The following ATP9B variants were observed in gnomAD, a reference collection of about 807,000 sequenced individuals.
ATP9B encodes the protein ATPase phospholipid transporting 9B, also known as probable phospholipid-transporting ATPase IIB.
In ATP9B, 110 loss-of-function variants were observed where a neutral mutation model predicts 146.1. The observed-to-expected ratio is 0.75, with a 90% CI of 0.65 to 0.88. ATP9B has a LOEUF of 0.88. Among genes scored for constraint, ATP9B ranks in the 40% least tolerant of loss-of-function variants. ATP9B has a pLI of 0.00. For missense variants in ATP9B, 1,499 were observed against 1,496.4 expected (o/e 1.00, Z -0.03); for synonymous variants, 604 against 569.7 (o/e 1.06, Z -0.86).
At chr18:79,359,310 T>A (rs764971639) in intron 25 of ATP9B, 44 bp from the exon 26 acceptor site, 2 of 1,433,980 alleles carry the variant, frequency 1.4e-6, no homozygotes, top group African/African-American at 1.4e-5. Context: ...AGCTGTGTGG[T>A]AGAAGTTTCT....
Position 79,187,739 on chromosome 18 carries a change from C to T in ATP9B, c.874-5444C>T, listed in dbSNP as rs1318733078. ...TCCCTTTAGCATTGCTGTTATAATT[C>T]CCTGTTTCATTAGCATCAGTTGTTT... On this transcript the variant is annotated intron_variant, in intron 8 of 29. Coordinates refer to ENST00000426216, the MANE Select transcript of ATP9B (RefSeq NM_198531.5). 3.3e-5 allele frequency among the ~76,000 whole-genome samples: 5 copies of T among 152,190 alleles called. No homozygotes were observed. In the East Asian group the frequency reaches 9.6e-4, roughly 29 times the overall value.
chr18:79,247,772 C>CT (rs554582162), intron 11 of ATP9B, among the ~76,000 whole-genome samples: 2 of 152,012 alleles, frequency 1.3e-5, no homozygotes, highest in Non-Finnish European at 2.9e-5. Flanking sequence ...AAATATAGTA[C>CT]TTTTTTATGT....
intron 13 of ATP9B, among the ~76,000 whole-genome samples, chr18:79,282,520 C>T (rs1398027639): frequency 3.3e-5 from 5 of 152,178 alleles, no homozygotes; most frequent in Non-Finnish European, 5.9e-5. Context: ...TTAAAAGTTG[C>T]TGAAGGCTCA....
At chr18:79,111,482 A>C (rs2076000520) in intron 3 of ATP9B, among the ~76,000 whole-genome samples, 1 of 151,472 alleles carries the variant, frequency 6.6e-6, no homozygotes, top group Non-Finnish European at 1.5e-5. Context: ...TAATGGCTTC[A>C]TAATTAAAAG....
intron 8 of ATP9B, among the ~76,000 whole-genome samples, chr18:79,188,395 C>T (rs929540772): frequency 6.6e-6 from 1 of 152,160 alleles, no homozygotes; most frequent in African/African-American, 2.4e-5. Context: ...TTTAGCTCGG[C>T]CCTCGGTGCT....
chr18:79,270,559 A>G (rs776854071), intron 12 of ATP9B, among the ~76,000 whole-genome samples: 6 of 152,022 alleles, frequency 3.9e-5, no homozygotes, highest in Non-Finnish European at 8.8e-5. Context: ...TCTCCTTTGT[A>G]CTTCCTAGTA....
At position 79,307,242 on chromosome 18, in the gene ATP9B, A is replaced by G. The variant is rs751032695; in HGVS notation, c.1773+8A>G. ...GCTTCCAGCCCGGATGAGGTCAGTCAAAGCACAAAACCGTGGGAGCTTGTC... is the reference window on the plus strand; with the variant it reads ...GCTTCCAGCCCGGATGAGGTCAGTCGAAGCACAAAACCGTGGGAGCTTGTC... On this transcript the variant is annotated splice_region_variant and intron_variant, in intron 15 of 29. Coordinates refer to ENST00000426216, the MANE Select transcript of ATP9B (RefSeq NM_198531.5). The G allele has an allele frequency of 1.2e-6, 2 of 1,614,082 alleles. No homozygotes were observed. Among genetic ancestry groups the G allele is most frequent in the South Asian group, 2.2e-5 (2 of 91,070 alleles).
intron 7 of ATP9B, among the ~76,000 whole-genome samples, chr18:79,171,546 C>T (rs1275370181): frequency 3.3e-5 from 5 of 152,074 alleles, no homozygotes; most frequent in African/African-American, 9.7e-5. Context: ...AGGGAGACCC[C>T]GTGTGTCCCT....
At chr18:79,291,931 G>A (rs1020762171) in intron 13 of ATP9B, among the ~76,000 whole-genome samples, 30 of 152,290 alleles carry the variant, frequency 2.0e-4, no homozygotes, top group African/African-American at 7.2e-4. Context: ...GCAGCCCCTG[G>A]TTACTTTCTG....
At chr18:79,097,437 T>C (rs902800271) in intron 2 of ATP9B, among the ~76,000 whole-genome samples, 2 of 151,748 alleles carry the variant, frequency 1.3e-5, no homozygotes, top group African/African-American at 2.4e-5. Flanking sequence ...TTCTTCAGTG[T>C]GTATTTTCTA....
chr18:79,074,086 G>C (rs1431429818), intron 1 of ATP9B, among the ~76,000 whole-genome samples: 1 of 152,186 alleles, frequency 6.6e-6, no homozygotes, highest in African/African-American at 2.4e-5. Context: ...TTTGTGGGCT[G>C]TGGTTCTAAA....
In ATP9B at chr18:79,325,814, G is replaced by A. The variant is rs139791637; in HGVS notation, c.1774-3327G>A. The stretch of plus-strand genomic sequence containing the variant: ...TCTCCAGAGCCAGAAGAGACATGGC[G>A]TTAGGCTGTTTTCCATTATCTCTGC... On this transcript the variant is annotated intron_variant, in intron 15 of 29. Coordinates refer to ENST00000426216, the MANE Select transcript of ATP9B (RefSeq NM_198531.5). Among the ~76,000 whole-genome samples, 4 of 152,314 alleles carry A rather than the reference G, an allele frequency of 2.6e-5. No individual in the cohort carries two copies. In the East Asian group the frequency reaches 5.8e-4, roughly 22 times the overall value.
intron 26 of ATP9B, among the ~76,000 whole-genome samples, chr18:79,370,202 A>G (rs1357153134): frequency 6.6e-6 from 1 of 152,268 alleles, no homozygotes; most frequent in Non-Finnish European, 1.5e-5. Context: ...AATGGTAAAT[A>G]TAACAGTAGC....
intron 15 of ATP9B, among the ~76,000 whole-genome samples, chr18:79,320,699 AC>A (rs538259426): frequency 6.6e-6 from 1 of 151,226 alleles, no homozygotes; most frequent in Non-Finnish European, 1.5e-5. Flanking sequence ...CAGAACTCCC[AC>A]CCCCCTCCAG....
Position 79,277,081 on chromosome 18 carries a change from A to G in ATP9B, c.1296A>G (p.Lys432=), listed in dbSNP as rs774386915. The G allele has an allele frequency of 2.5e-6, 4 of 1,614,172 alleles. No individual in the cohort carries two copies. In the East Asian group the frequency reaches 8.9e-5, roughly 36 times the overall value. The change falls in exon 13 of 30, where the codon AAA becomes AAG. Residue 432 remains lysine, a synonymous_variant. Coordinates refer to ENST00000426216, the MANE Select transcript of ATP9B (RefSeq NM_198531.5). ...ISLRVNLDMG[K]AVYGWMMMKD... is the part of the protein sequence containing the mutation. ...TGCGTGTGAACTTGGACATGGGCAA[A>G]GCGGTGTATGGATGGATGATGATGA...
rs746305750 is a variant in ATP9B, at chr18:79,307,105, C to G, written c.1644C>G (p.Ile548Met). The part of the protein sequence containing the change: ...SSRIHEAVKA[I>M]VLCHNVTPVY... ...GAATCCATGAAGCCGTGAAAGCCATCGTGCTGTGTCACAACGTGACCCCCG... is the reference window on the plus strand; with the variant it reads ...GAATCCATGAAGCCGTGAAAGCCATGGTGCTGTGTCACAACGTGACCCCCG... The change falls in exon 15 of 30, where the codon ATC becomes ATG. Residue 548 changes from isoleucine to methionine, a missense_variant. Ile to Met is a conservative substitution (Grantham distance 10). Transcript: ENST00000426216. The G allele has an allele frequency of 1.2e-6, 2 of 1,614,068 alleles. No individual in the cohort carries two copies. Among genetic ancestry groups the G allele is most frequent in the African/African-American group, 1.3e-5 (1 of 74,922 alleles).
chr18:79,206,232 G>A (rs553463935), intron 9 of ATP9B, among the ~76,000 whole-genome samples: 2 of 152,182 alleles, frequency 1.3e-5, no homozygotes, highest in South Asian at 2.1e-4. Flanking sequence ...GAGCCACCGC[G>A]CCCGGCCAAT....
chr18:79,351,024 G>A (rs1397669363), intron 25 of ATP9B, among the ~76,000 whole-genome samples: 1 of 152,192 alleles, frequency 6.6e-6, no homozygotes, highest in African/African-American at 2.4e-5. Context: ...ACCTGCCTCA[G>A]CCTCCCAAAG....
At position 79,270,168 on chromosome 18, in the gene ATP9B, A is replaced by G. The variant is rs544710951; in HGVS notation, c.1269-6886A>G. 4.6e-5 allele frequency among the ~76,000 whole-genome samples: 7 copies of G among 152,298 alleles called. No homozygotes were observed. The South Asian group carries it at 1.5e-3, about 32-fold the overall frequency. ...TAAATCAGTATTTATTTATTTTTAA[A>G]CTAAAAGTGCTAGCCTTTAATAGGA... On this transcript the variant is annotated intron_variant, in intron 12 of 29. Coordinates refer to ENST00000426216, the MANE Select transcript of ATP9B (RefSeq NM_198531.5).
Sources: allele counts gnomAD v4.1 joint callset (sites outside exome capture counted in the v4.1 genomes callset), GRCh38; gene constraint gnomAD v4.1.1; transcripts MANE v1.5; gene names NCBI Gene and HGNC (gene_info 2026-07-23, HGNC 2026-07-21).